FRMPD2: variants seen among roughly 807,000 people sequenced by gnomAD.
FRMPD2 encodes FERM and PDZ domain containing 2, also known as FERM and PDZ domain-containing protein 2.
FRMPD2 carries 96 observed loss-of-function variants against 140.1 expected under a neutral mutation model. The observed-to-expected ratio is 0.69, with a 90% CI of 0.58 to 0.81. The LOEUF (loss-of-function observed/expected upper bound fraction) is 0.81. FRMPD2 is among the 40% of genes least tolerant of loss of function. The pLI, the probability that FRMPD2 is intolerant of heterozygous loss-of-function variation, is 0.00. For missense variants in FRMPD2, 1,240 were observed against 1,447.4 expected (o/e 0.86, Z 2.32); for synonymous variants, 449 against 547.6 (o/e 0.82, Z 2.52).
chr10:48,176,637 AG>A (rs1303963076), intron 22 of FRMPD2, among the ~76,000 whole-genome samples: 1 of 152,180 alleles, frequency 6.6e-6, no homozygotes, highest in Non-Finnish European at 1.5e-5. Flanking sequence ...TGCCAGCCAA[AG>A]GAAATCATCA....
chr10:48,257,588 C>T (rs1481176550), intron 1 of FRMPD2, among the ~76,000 whole-genome samples: 1 of 152,132 alleles, frequency 6.6e-6, no homozygotes, highest in Non-Finnish European at 1.5e-5. Flanking sequence ...CCAACCTTTA[C>T]CTTTTTTTAG....
chr10:48,239,804 G>A, intron 6 of FRMPD2, 112 bp from the exon 7 acceptor site: 1 of 727,202 alleles, frequency 1.4e-6, no homozygotes, highest in Non-Finnish European at 2.4e-6. Context: ...TGTGACCTTG[G>A]TGAAATTCCT....
chr10:48,185,382 C>G (rs1436258571), intron 18 of FRMPD2, among the ~76,000 whole-genome samples, 171 bp downstream of exon 18: 1 of 152,068 alleles, frequency 6.6e-6, no homozygotes. Flanking sequence ...TCCCATTGCT[C>G]TTTAGGAACA....
At chr10:48,233,004 C>T (rs1246529974) in intron 9 of FRMPD2, among the ~76,000 whole-genome samples, 1 of 152,196 alleles carries the variant, frequency 6.6e-6, no homozygotes, top group Non-Finnish European at 1.5e-5. Flanking sequence ...CCACTCCCTC[C>T]CCATGTGGCA....
chr10:48,184,819 T>C lies in FRMPD2; in HGVS notation c.2422A>G (p.Ile808Val), dbSNP rs781236475. ...QADPGIFISSIIPGGPAEKAK... is the reference protein window; with the variant it reads ...QADPGIFISSVIPGGPAEKAK... ...TTTTCTGCTGGTCCTCCAGGTATAA[T>C]AGAAGATATAAAAATGCCAGGGTCA... The change falls in exon 19 of 29, where the codon ATT (isoleucine) becomes GTT (valine). Residue 808 changes from isoleucine (I) to valine (V), a missense_variant. This residue lies in a region of FRMPD2 where 1,161 missense variants were observed against 1,055.9 expected (regional missense o/e 1.10). Transcript: ENST00000374201. The C allele has an allele frequency of 5.0e-6, 8 of 1,613,986 alleles. No individual in the cohort carries two copies. The South Asian group carries it at 8.8e-5, about 18-fold the overall frequency.
In FRMPD2 at chr10:48,255,874, G is replaced by A. The variant is rs571186748; in HGVS notation, c.26-4183C>T. Among the ~76,000 whole-genome samples, 7 of 152,366 alleles carry A rather than the reference G, an allele frequency of 4.6e-5. No individual in the cohort carries two copies. The East Asian group carries it at 1.2e-3, about 25-fold the overall frequency. ...ACTGAGAGAAGCCCGCTCATGGTGAGGGAGGTGAGGGCGGTAAGCCAGGGG... is the reference window on the plus strand; with the variant it reads ...ACTGAGAGAAGCCCGCTCATGGTGAAGGAGGTGAGGGCGGTAAGCCAGGGG... On this transcript the variant is annotated intron_variant, in intron 1 of 28. Transcript: ENST00000374201.
chr10:48,182,968 T>C (rs959283894), intron 20 of FRMPD2, among the ~76,000 whole-genome samples: 5 of 152,130 alleles, frequency 3.3e-5, no homozygotes, highest in African/African-American at 7.2e-5. Context: ...GAGACTGGCA[T>C]TGGAGATGTA....
At chr10:48,221,277 G>C (rs1413637022) in intron 12 of FRMPD2, among the ~76,000 whole-genome samples, 1 of 152,128 alleles carries the variant, frequency 6.6e-6, no homozygotes. Context: ...TGACATAATG[G>C]CATTCACAGC....
intron 22 of FRMPD2, among the ~76,000 whole-genome samples, chr10:48,176,636 A>G (rs1838416672): frequency 6.6e-6 from 1 of 152,290 alleles, no homozygotes; most frequent in African/African-American, 2.4e-5. Flanking sequence ...TTGCCAGCCA[A>G]AGGAAATCAT....
chr10:48,183,851 CAAA>C (rs57389978), intron 20 of FRMPD2, among the ~76,000 whole-genome samples: 1 of 76,780 alleles, frequency 1.3e-5, no homozygotes. Context: ...GACTCCATCT[CAAA>C]AAAAAAAAAG....
chr10:48,176,966 A>T (rs1215537778), intron 22 of FRMPD2, among the ~76,000 whole-genome samples: 1 of 152,194 alleles, frequency 6.6e-6, no homozygotes, highest in South Asian at 2.1e-4. Context: ...ATATCTCTTG[A>T]ATTTCCTCTG....
intron 25 of FRMPD2, 98 bp downstream of exon 25, chr10:48,172,848 C>G (rs1289561692): frequency 3.7e-6 from 3 of 821,782 alleles, no homozygotes; most frequent in African/African-American, 1.7e-5. Context: ...TTTTCAGGAC[C>G]CAGAGGAAGC....
In FRMPD2 at chr10:48,184,547, A is replaced by G. The variant is rs1360340767; in HGVS notation, c.2584+19T>C. On this transcript the variant is annotated intron_variant, in intron 20 of 28. Coordinates refer to ENST00000374201, the MANE Select transcript of FRMPD2 (RefSeq NM_001018071.4). ...AACAGGGGAGCCTCTTAAGCTCCCA[A>G]GAGTGGGTTAAAACATACCTTTTGA... 4 of 1,504,108 alleles carry G rather than the reference A, an allele frequency of 2.7e-6. No homozygotes were observed. In the Admixed American group the frequency reaches 6.7e-5, roughly 25 times the overall value. 93.2% of individuals were successfully genotyped at this position (1,504,108 alleles called of 1,614,324 possible).
chr10:48,181,975 A>T (rs1163449149), intron 20 of FRMPD2, among the ~76,000 whole-genome samples: 1 of 150,950 alleles, frequency 6.6e-6, no homozygotes, highest in Admixed American at 6.6e-5. Context: ...ACATGTTATT[A>T]TTAGCTGCTC....
At chr10:48,176,027 C>T (rs1838400616) in intron 22 of FRMPD2, 88 bp from the exon 23 acceptor site, 1 of 647,500 alleles carries the variant, frequency 1.5e-6, no homozygotes, top group Non-Finnish European at 2.8e-6. Flanking sequence ...TCCCCACCTG[C>T]CCACCACTCT....
intron 1 of FRMPD2, among the ~76,000 whole-genome samples, chr10:48,254,193 T>A (rs769444876): frequency 3.9e-5 from 6 of 152,230 alleles, no homozygotes; most frequent in Non-Finnish European, 5.9e-5. Flanking sequence ...TGGAATGTTA[T>A]GATCTGTCCG....
At chr10:48,207,740 C>G (rs528797442) in intron 13 of FRMPD2, among the ~76,000 whole-genome samples, 181 of 152,308 alleles carry the variant, frequency 1.2e-3, no homozygotes, top group Non-Finnish European at 2.0e-3. Context: ...ACCTCTTGCT[C>G]CAGGCATTTG....
chr10:48,263,885 G>A (rs1840637808), intron 1 of FRMPD2, among the ~76,000 whole-genome samples: 1 of 152,034 alleles, frequency 6.6e-6, no homozygotes. Flanking sequence ...GAACAAGGAT[G>A]CAAAACTCTT....
At position 48,242,226 on chromosome 10, in the gene FRMPD2, A is replaced by G. The variant is rs1444898241; in HGVS notation, c.502T>C (p.Tyr168His). 1.2e-6 allele frequency: 2 copies of G among 1,614,190 alleles called. No individual in the cohort carries two copies. The highest frequency in any genetic ancestry group is 2.2e-5 in the South Asian group (2 of 91,076). Residue 168 changes from tyrosine (Y) to histidine (H), a missense_variant, in exon 5 of 29, where the codon TAC (tyrosine) becomes CAC (histidine). By Grantham distance (83) the Tyr-to-His change is moderately conservative (BLOSUM62 2). Transcript: ENST00000374201. ...CRVHEKEVSV[Y>H]PAPAGLHIRR... ...ATGTGGAGACCAGCAGGGGCTGGGT[A>G]GACAGACACTTCTTTCTCATGAACC...
Sources: gnomAD v4.1 joint callset for allele counts (sites outside exome capture counted in the v4.1 genomes callset) on GRCh38, gnomAD v4.1.1 for gene constraint, gnomAD v4.1.1 regional missense constraint, MANE v1.5 for transcripts, NCBI Gene and HGNC (gene_info 2026-07-23, HGNC 2026-07-21) for gene names.